Variants in KSR2 observed in about 807,000 individuals in gnomAD.
KSR2 encodes the protein kinase suppressor of ras 2.
KSR2 carries 25 observed loss-of-function variants against 107.8 expected under a neutral mutation model. The ratio of observed to expected loss-of-function variants is 0.23; its 90% CI spans 0.17 to 0.32. The LOEUF is 0.32. Among genes scored for constraint, KSR2 ranks in the 10% least tolerant of loss-of-function variants. KSR2 has a pLI of 1.00. For synonymous variants in KSR2, 480 were observed against 507.0 expected (o/e 0.95, Z 0.71); for missense variants, 887 against 1,268.9 (o/e 0.70, Z 4.57).
At chr12:117,856,534 T>C (rs550343673) in intron 2 of KSR2, among the ~76,000 whole-genome samples, 5 of 152,178 alleles carry the variant, frequency 3.3e-5, no homozygotes, top group African/African-American at 1.2e-4. Flanking sequence ...TGGAGTGCAA[T>C]GGCGCGATCT....
At chr12:117,537,079 G>C (rs1876106599) in intron 10 of KSR2, among the ~76,000 whole-genome samples, 1 of 152,144 alleles carries the variant, frequency 6.6e-6, no homozygotes, top group South Asian at 2.1e-4. Context: ...TGAGTGTGGT[G>C]GTGTGCACCT....
At chr12:117,611,500 G>C (rs907490112) in intron 5 of KSR2, among the ~76,000 whole-genome samples, 2 of 113,798 alleles carry the variant, frequency 1.8e-5, no homozygotes, top group African/African-American at 5.8e-5. Context: ...TCAGTCAGCA[G>C]GGTGACGAGT....
Position 117,530,930 on chromosome 12 carries a change from G to T in KSR2, c.1802+11C>A. 1.2e-6 allele frequency: 2 copies of T among 1,613,026 alleles called. No homozygotes were observed. The highest frequency in any genetic ancestry group is 1.1e-5 in the South Asian group (1 of 91,008). On this transcript the variant is annotated intron_variant, in intron 12 of 19. Coordinates refer to ENST00000339824, the MANE Select transcript of KSR2 (RefSeq NM_173598.6). ...CTTGGGAAAGGGGGAAGATGTCTCT[G>T]TCTCACTTACATTGGATTCGAGGTC... is the stretch of plus-strand genomic sequence containing the variant.
intron 5 of KSR2, among the ~76,000 whole-genome samples, chr12:117,644,754 T>C (rs1883538768): frequency 6.6e-6 from 1 of 152,072 alleles, no homozygotes; most frequent in African/African-American, 2.4e-5. Context: ...ATCAAACAGG[T>C]TCATGCTCCT....
At position 117,454,606 on chromosome 12, in the gene KSR2, C is replaced by T. The variant is rs186766496; in HGVS notation, c.*12593G>A. The stretch of plus-strand genomic sequence containing the variant: ...AGGTCTTCTTCAGTCATTTCTGTAA[C>T]AAACCAGCATTTTGCCCATCATACC... On this transcript the variant is annotated 3_prime_UTR_variant, in exon 20 of 20. Transcript: ENST00000339824. 1 of 152,236 alleles carries T rather than the reference C, an allele frequency of 6.6e-6. No individual in the cohort carries two copies. Among genetic ancestry groups the T allele is most frequent in the Admixed American group, 6.5e-5 (1 of 15,288 alleles). The allele number at this position is 152,236 out of a possible 1,614,324, so 9.4% of individuals were successfully genotyped here. A position where few individuals can be genotyped will look rare whatever the true frequency, so the allele number is the denominator to read the frequency against.
intron 4 of KSR2, among the ~76,000 whole-genome samples, chr12:117,738,685 G>A (rs1888042097): frequency 6.6e-6 from 1 of 151,996 alleles, no homozygotes; most frequent in Admixed American, 6.6e-5. Flanking sequence ...GACCAGCCTG[G>A]CCAACACAGT....
Position 117,860,422 on chromosome 12 carries a change from C to T in KSR2, c.190G>A (p.Val64Met). 3 of 1,608,494 alleles carry T rather than the reference C, an allele frequency of 1.9e-6. No homozygotes were observed. The highest frequency in any genetic ancestry group is 2.5e-6 in the Non-Finnish European group (3 of 1,177,644). Residue 64 changes from valine to methionine, a missense_variant, in exon 2 of 20, where the codon GTG becomes ATG. Physicochemically the swap from Val to Met is conservative, Grantham distance 21. Around this residue, in one of 8 missense-constraint regions of KSR2, gnomAD observed 21 missense variants for 57.8 expected, o/e 0.36. Coordinates refer to ENST00000339824, the MANE Select transcript of KSR2 (RefSeq NM_173598.6). ...GACAGCTGCCGGCTGAAGTACTTCACCAGCTTGCTCTGTGGAGACACAGAC... is the reference window on the plus strand; with the variant it reads ...GACAGCTGCCGGCTGAAGTACTTCATCAGCTTGCTCTGTGGAGACACAGAC... ...KEIRTLESKL[V>M]KYFSRQLSCK...
intron 4 of KSR2, among the ~76,000 whole-genome samples, chr12:117,712,391 T>C (rs1193341507): frequency 1.3e-5 from 2 of 151,912 alleles, no homozygotes; most frequent in Admixed American, 1.3e-4. Context: ...AGACCACACG[T>C]AGGAACAAGA....
intron 4 of KSR2, among the ~76,000 whole-genome samples, chr12:117,695,542 CA>C (rs770628810): frequency 0.32 from 41,173 of 129,814 alleles, 6,933 homozygotes; most frequent in Middle Eastern, 0.47. Context: ...CCCATTTCTA[CA>C]AAAAAAAAAA....
intron 3 of KSR2, among the ~76,000 whole-genome samples, chr12:117,771,838 A>C (rs1033536194): frequency 1.3e-5 from 2 of 152,022 alleles, no homozygotes; most frequent in Admixed American, 1.3e-4. Context: ...AGTTCCCCCA[A>C]AGACACACAA....
intron 5 of KSR2, among the ~76,000 whole-genome samples, chr12:117,649,368 A>C (rs972479755): frequency 1.3e-5 from 2 of 152,226 alleles, no homozygotes; most frequent in Non-Finnish European, 2.9e-5. Context: ...TGATTGCTGC[A>C]TTCAGGTATG....
intron 5 of KSR2, among the ~76,000 whole-genome samples, chr12:117,610,095 T>C (rs1268190039): frequency 6.6e-6 from 1 of 152,214 alleles, no homozygotes; most frequent in East Asian, 1.9e-4. Flanking sequence ...TTCTTATTTT[T>C]ATATTTTTTT....
intron 1 of KSR2, among the ~76,000 whole-genome samples, chr12:117,878,337 A>G (rs1893927075): frequency 6.6e-6 from 1 of 152,052 alleles, no homozygotes; most frequent in African/African-American, 2.4e-5. Context: ...TAACACACAC[A>G]CTACCTGCCC....
intron 7 of KSR2, among the ~76,000 whole-genome samples, chr12:117,566,400 G>A (rs557852373): frequency 8.5e-5 from 13 of 152,290 alleles, no homozygotes; most frequent in South Asian, 2.1e-4. Context: ...GATTACAGGC[G>A]TGAGCCACTG....
At chr12:117,799,652 C>T (rs1460969082) in intron 3 of KSR2, among the ~76,000 whole-genome samples, 2 of 152,132 alleles carry the variant, frequency 1.3e-5, no homozygotes, top group South Asian at 2.1e-4. Flanking sequence ...AGGGATCAAG[C>T]GGACTGGTAT....
intron 3 of KSR2, among the ~76,000 whole-genome samples, chr12:117,829,046 C>T (rs970316498): frequency 3.9e-5 from 6 of 152,260 alleles, no homozygotes; most frequent in African/African-American, 1.4e-4. Context: ...ACTCAGTCAA[C>T]CACACACCAC....
chr12:117,607,294 C>T (rs780520086), intron 5 of KSR2, among the ~76,000 whole-genome samples: 1 of 152,216 alleles, frequency 6.6e-6, no homozygotes, highest in Non-Finnish European at 1.5e-5. Context: ...AACTTAGATG[C>T]ATTCAAAGTG....
In KSR2 at chr12:117,858,041, C is replaced by T. The variant is rs370989287; in HGVS notation, c.321+2250G>A. On this transcript the variant is annotated intron_variant, in intron 2 of 19. Coordinates refer to ENST00000339824, the MANE Select transcript of KSR2 (RefSeq NM_173598.6). ...ATCGCTGCCAGACAGGAGCTCAGTT[C>T]AGCATGGTCAACATTTCTGATTTTG... is the stretch of plus-strand genomic sequence containing the variant. 1.3e-4 allele frequency among the ~76,000 whole-genome samples: 20 copies of T among 152,282 alleles called. 1 individual carries two copies. In the East Asian group the frequency reaches 2.3e-3, roughly 18 times the overall value.
chr12:117,472,828 G>T (rs567764191), intron 17 of KSR2, among the ~76,000 whole-genome samples: 2 of 152,132 alleles, frequency 1.3e-5, no homozygotes, highest in South Asian at 4.1e-4. Flanking sequence ...TTTGTGGAGG[G>T]AGGTCTATTC....
Sources: allele counts gnomAD v4.1 joint callset (sites outside exome capture counted in the v4.1 genomes callset), GRCh38; gene constraint gnomAD v4.1.1; regional missense constraint gnomAD v4.1.1; transcripts MANE v1.5; gene names NCBI Gene and HGNC (gene_info 2026-07-23, HGNC 2026-07-21).